Variants in MGAT4A observed in about 807,000 individuals in gnomAD.
The protein encoded by MGAT4A is N-acetylglucosaminyltransferase IVa.
Under a neutral mutation model 74.1 loss-of-function variants are expected in MGAT4A, and 33 were observed. The ratio of observed to expected loss-of-function variants is 0.45; its 90% CI spans 0.34 to 0.60. The LOEUF is 0.60. MGAT4A is among the 20% of genes least tolerant of loss of function. MGAT4A has a pLI of 0.02. For synonymous variants in MGAT4A, 198 were observed against 210.4 expected (o/e 0.94, Z 0.51); for missense variants, 479 against 628.3 (o/e 0.76, Z 2.54).
chr2:98,713,036 G>C (rs972088073), intron 2 of MGAT4A, among the ~76,000 whole-genome samples: 7 of 151,790 alleles, frequency 4.6e-5, no homozygotes, highest in Non-Finnish European at 1.0e-4. Context: ...TGGTGTGATG[G>C]CACACACCTG....
chr2:98,659,361 ATCC>A (rs1701710539), intron 5 of MGAT4A, among the ~76,000 whole-genome samples: 1 of 152,130 alleles, frequency 6.6e-6, no homozygotes, highest in Non-Finnish European at 1.5e-5. Flanking sequence ...TCCAGACATC[ATCC>A]TCCTCCTAAC....
At chr2:98,716,742 T>A (rs1702597116) in intron 2 of MGAT4A, among the ~76,000 whole-genome samples, 1 of 152,170 alleles carries the variant, frequency 6.6e-6, no homozygotes, top group Admixed American at 6.5e-5. Context: ...GATACCAAAA[T>A]CTGCAGATGC....
At chr2:98,666,734 G>A (rs1383106638) in intron 4 of MGAT4A, among the ~76,000 whole-genome samples, 2 of 151,912 alleles carry the variant, frequency 1.3e-5, no homozygotes, top group African/African-American at 4.8e-5. Flanking sequence ...AGGATGAGGA[G>A]CATTCCTAGA....
chr2:98,726,787 T>C (rs1341951484), intron 1 of MGAT4A: 1 of 155,474 alleles, frequency 6.4e-6, no homozygotes, highest in East Asian at 1.9e-4. Context: ...TCCCTCCTCA[T>C]TGGTTTTGTT....
chr2:98,638,229 CATAAT>C (rs1386096854), intron 12 of MGAT4A, among the ~76,000 whole-genome samples: 2 of 152,266 alleles, frequency 1.3e-5, no homozygotes, highest in East Asian at 1.9e-4. Context: ...GTTCTATGTA[CATAAT>C]ATATGTAAAA....
Position 98,623,180 on chromosome 2 carries a change from A to G in MGAT4A, c.*2386T>C, listed in dbSNP as rs757052923. ...ACAAAAAAGTCCTGGAATGATAGGA[A>G]AGATTTGGCTAAAAGGAGTCTTGGG... On this transcript the variant is annotated 3_prime_UTR_variant, in exon 16 of 16. Transcript: ENST00000393487. 1.0e-6 allele frequency: 1 copy of G among 985,438 alleles called. No individual in the cohort carries two copies. The highest frequency in any genetic ancestry group is 1.2e-6 in the Non-Finnish European group (1 of 829,948). The allele number at this position is 985,438 out of a possible 1,614,324, so 61.0% of individuals were successfully genotyped here.
rs188815797 is a variant in MGAT4A at position 98,723,712 on chromosome 2, G to A, written c.94+2527C>T. 1.3e-3 allele frequency among the ~76,000 whole-genome samples: 198 copies of A among 152,246 alleles called. 1 individual carries two copies. Among genetic ancestry groups the A allele is most frequent in the African/African-American group, 4.4e-3 (182 of 41,542 alleles). On this transcript the variant is annotated intron_variant, in intron 2 of 15. Coordinates refer to ENST00000393487, the MANE Select transcript of MGAT4A (RefSeq NM_012214.3). Reference sequence around the variant, plus strand: ...TTGTAGCTGCACACGCAGGTCCCTGGACCTGATATGCCCAGTGTTCCCCAC... The same window carrying A: ...TTGTAGCTGCACACGCAGGTCCCTGAACCTGATATGCCCAGTGTTCCCCAC...
At chr2:98,661,298 T>C (rs901358132) in intron 5 of MGAT4A, among the ~76,000 whole-genome samples, 2 of 152,174 alleles carry the variant, frequency 1.3e-5, no homozygotes, top group African/African-American at 4.8e-5. Context: ...AACGGATGGA[T>C]ATATACACTG....
chr2:98,717,375 T>A (rs1034036678), intron 2 of MGAT4A, among the ~76,000 whole-genome samples: 6 of 139,784 alleles, frequency 4.3e-5, no homozygotes, highest in Non-Finnish European at 6.1e-5. Flanking sequence ...CGAGACTCCA[T>A]CTCAAAAAAA....
At chr2:98,705,227 G>C (rs140806512) in intron 2 of MGAT4A, among the ~76,000 whole-genome samples, 10 of 152,206 alleles carry the variant, frequency 6.6e-5, no homozygotes, top group African/African-American at 2.4e-4. Context: ...TTGCAATGCT[G>C]TGCAGGTTTC....
chr2:98,622,837 G>A lies in MGAT4A; in HGVS notation c.*2729C>T, dbSNP rs1277355731. The A allele has an allele frequency of 2.0e-6, 2 of 985,632 alleles. No individual in the cohort carries two copies. The highest frequency in any genetic ancestry group is 2.4e-6 in the Non-Finnish European group (2 of 830,146). The allele number at this position is 985,632 out of a possible 1,614,324, so 61.1% of individuals were successfully genotyped here. ...ATTGTGTATGCAAGAGTATGGCAAC[G>A]ACAGCAGGGAGAGGGAGTTAAGAGA... On this transcript the variant is annotated 3_prime_UTR_variant, in exon 16 of 16. Coordinates refer to ENST00000393487, the MANE Select transcript of MGAT4A (RefSeq NM_012214.3).
Position 98,705,461 on chromosome 2 carries a change from C to T in MGAT4A, c.94+20778G>A, listed in dbSNP as rs777771873. On this transcript the variant is annotated intron_variant, in intron 2 of 15. Coordinates refer to ENST00000393487, the MANE Select transcript of MGAT4A (RefSeq NM_012214.3). ...GACTGCATGCTATCTTTGCCTAGGA[C>T]GGTTCCAATTTACAACTGTTACCCC... is the stretch of plus-strand genomic sequence containing the variant. 3.4e-4 allele frequency among the ~76,000 whole-genome samples: 52 copies of T among 152,254 alleles called. 1 individual carries two copies. The highest frequency in any genetic ancestry group is 3.4e-3 in the Middle Eastern group (1 of 294).
intron 8 of MGAT4A, among the ~76,000 whole-genome samples, chr2:98,651,297 T>C (rs968030488): frequency 3.3e-5 from 5 of 152,234 alleles, no homozygotes; most frequent in Non-Finnish European, 5.9e-5. Flanking sequence ...TGAATCACTT[T>C]AAAATCTGGT....
chr2:98,674,923 A>G, intron 4 of MGAT4A, 112 bp downstream of exon 4: 4 of 1,101,912 alleles, frequency 3.6e-6, no homozygotes, highest in Non-Finnish European at 5.2e-6. Context: ...GTGCACAGAT[A>G]AAGAAAGAAC....
In MGAT4A at chr2:98,622,376, A is replaced by G. The variant is rs1701074180; in HGVS notation, c.*3190T>C. ...GAATGTCACTAGTGTGTGTGATGGC[A>G]GAACCGGGTAAAAAAATGTTTTTAT... On this transcript the variant is annotated 3_prime_UTR_variant, in exon 16 of 16. Transcript: ENST00000393487. The G allele has an allele frequency of 1.0e-6, 1 of 985,466 alleles. No individual in the cohort carries two copies. Among genetic ancestry groups the G allele is most frequent in the Non-Finnish European group, 1.2e-6 (1 of 829,946 alleles). The allele number at this position is 985,466 out of a possible 1,614,324, so 61.0% of individuals were successfully genotyped here.
At position 98,620,456 on chromosome 2, in the gene MGAT4A, C is replaced by T. The variant is rs1701045706; in HGVS notation, c.*5110G>A. The T allele has an allele frequency of 6.6e-6, 1 of 152,116 alleles. No homozygotes were observed. Among genetic ancestry groups the T allele is most frequent in the African/African-American group, 2.4e-5 (1 of 41,406 alleles). 9.4% of individuals were successfully genotyped at this position (152,116 alleles called of 1,614,324 possible). A position where few individuals can be genotyped will look rare whatever the true frequency, so the allele number is the denominator to read the frequency against. Reference sequence around the variant, plus strand: ...ACCTCTCATTTTCTCTCTTTTAGTTCTACTTGTCTCGTATCAAGGACATGG... The same window carrying T: ...ACCTCTCATTTTCTCTCTTTTAGTTTTACTTGTCTCGTATCAAGGACATGG... On this transcript the variant is annotated 3_prime_UTR_variant, in exon 16 of 16. Coordinates refer to ENST00000393487, the MANE Select transcript of MGAT4A (RefSeq NM_012214.3).
chr2:98,667,560 G>A (rs898382278), intron 4 of MGAT4A, among the ~76,000 whole-genome samples: 1 of 152,188 alleles, frequency 6.6e-6, no homozygotes. Flanking sequence ...AAAGAGACTG[G>A]CAGCATTTTG....
At chr2:98,661,390 C>A (rs1329181727) in intron 5 of MGAT4A, among the ~76,000 whole-genome samples, 1 of 152,128 alleles carries the variant, frequency 6.6e-6, no homozygotes, top group Non-Finnish European at 1.5e-5. Flanking sequence ...AAGAAGATCT[C>A]TGTTTGTAGA....
In MGAT4A at chr2:98,663,062, A is replaced by ACAG; in HGVS notation, c.520_521insCTG (p.Ile173_Val174insAla). ...AATAATTACCTCTCCTATGAAGACT[A>ACAG]CTATAACACAGTCCAACTTCTCTTC... On this transcript the variant is annotated inframe_insertion, in exon 5 of 16. Coordinates refer to ENST00000393487, the MANE Select transcript of MGAT4A (RefSeq NM_012214.3). The ACAG allele has an allele frequency of 6.4e-7, 1 of 1,567,368 alleles. No homozygotes were observed. Among genetic ancestry groups the ACAG allele is most frequent in the Non-Finnish European group, 8.7e-7 (1 of 1,153,274 alleles).
Sources: gnomAD v4.1 joint callset for allele counts (sites outside exome capture counted in the v4.1 genomes callset) on GRCh38, gnomAD v4.1.1 for gene constraint, MANE v1.5 for transcripts, NCBI Gene and HGNC (gene_info 2026-07-23, HGNC 2026-07-21) for gene names.